COL25A1: variants seen among roughly 807,000 people sequenced by gnomAD.
COL25A1 encodes the protein collagen type XXV alpha 1 chain, also known as collagen alpha-1(XXV) chain.
In COL25A1, 103 loss-of-function variants were observed where a neutral mutation model predicts 128.4. That is an observed-to-expected ratio of 0.80 (90% CI 0.68 to 0.94). COL25A1 has a LOEUF of 0.94. COL25A1 is among the 40% of genes least tolerant of loss of function. COL25A1 has a pLI of 0.00. For missense variants in COL25A1, 745 were observed against 840.0 expected, an observed-to-expected ratio of 0.89 and a Z score of 1.40; for synonymous variants, 279 against 277.2, an observed-to-expected ratio of 1.01 and a Z score of -0.06.
chr4:109,276,030 T>G (rs1722801335), intron 3 of COL25A1, among the ~76,000 whole-genome samples: 1 of 152,210 alleles, frequency 6.6e-6, no homozygotes, highest in East Asian at 1.9e-4. Flanking sequence ...ACTCTTCTCC[T>G]CCATATATAC....
At chr4:109,250,326 C>A in intron 3 of COL25A1, among the ~76,000 whole-genome samples, 1 of 139,352 alleles carries the variant, frequency 7.2e-6, no homozygotes, top group Non-Finnish European at 1.5e-5. Flanking sequence ...ACTTACTAAC[C>A]ATATGTATTA....
At chr4:108,989,840 G>A (rs1020984797) in intron 6 of COL25A1, among the ~76,000 whole-genome samples, 61 of 152,216 alleles carry the variant, frequency 4.0e-4, no homozygotes, top group African/African-American at 1.4e-3. Context: ...TATTTAAAAT[G>A]TGATATCAGT....
chr4:108,918,244 T>G (rs1408446137), intron 12 of COL25A1, 28 bp from the exon 13 acceptor site: 1 of 1,512,922 alleles, frequency 6.6e-7, no homozygotes, highest in Admixed American at 1.8e-5. Flanking sequence ...TAAATTCAGT[T>G]GATATCATAC....
At chr4:109,271,337 C>T (rs1782186436) in intron 3 of COL25A1, among the ~76,000 whole-genome samples, 2 of 152,348 alleles carry the variant, frequency 1.3e-5, no homozygotes, top group South Asian at 4.1e-4. Context: ...CTAAATTCTA[C>T]TTCACCTAGC....
intron 5 of COL25A1, among the ~76,000 whole-genome samples, chr4:109,020,377 T>C (rs1256337557): frequency 1.3e-5 from 2 of 152,278 alleles, no homozygotes; most frequent in Non-Finnish European, 2.9e-5. Flanking sequence ...TCAATGGTTT[T>C]AATGCTGAAA....
intron 3 of COL25A1, among the ~76,000 whole-genome samples, chr4:109,281,997 A>C (rs1337348642): frequency 6.6e-6 from 1 of 152,182 alleles, no homozygotes; most frequent in Non-Finnish European, 1.5e-5. Flanking sequence ...TTGTTAATAT[A>C]ATCATAAATT....
chr4:108,875,463 G>A (rs1444393910), intron 19 of COL25A1, among the ~76,000 whole-genome samples: 1 of 152,158 alleles, frequency 6.6e-6, no homozygotes. Context: ...ATGAAAAAAT[G>A]TTCATCATCA....
At chr4:108,937,386 G>A (rs538023059) in intron 11 of COL25A1, among the ~76,000 whole-genome samples, 124 of 151,862 alleles carry the variant, frequency 8.2e-4, no homozygotes, top group African/African-American at 2.9e-3. Flanking sequence ...ATTTTTCTCC[G>A]GGTAGAGATA....
chr4:109,184,456 T>TA (rs1259586042), intron 3 of COL25A1, among the ~76,000 whole-genome samples: 2 of 152,182 alleles, frequency 1.3e-5, no homozygotes, highest in Non-Finnish European at 2.9e-5. Flanking sequence ...AACGAAGTGT[T>TA]AGACACCAAG....
intron 8 of COL25A1, among the ~76,000 whole-genome samples, chr4:108,942,839 C>T (rs1324859968): frequency 6.7e-6 from 1 of 149,864 alleles, no homozygotes; most frequent in Non-Finnish European, 1.5e-5. Flanking sequence ...TCACTGAAGC[C>T]TCTGCCTCCA....
At chr4:109,022,057 C>G in intron 5 of COL25A1, 1 of 407,940 alleles carries the variant, frequency 2.5e-6, no homozygotes. Flanking sequence ...GCCTTTTGCC[C>G]CTTGAAGCAT....
chr4:109,191,463 A>G (rs1775615956), intron 3 of COL25A1, among the ~76,000 whole-genome samples: 1 of 152,128 alleles, frequency 6.6e-6, no homozygotes, highest in South Asian at 2.1e-4. Context: ...GCTGCTCAAA[A>G]GATTGAGGGC....
At chr4:109,171,392 T>C (rs1773569288) in intron 3 of COL25A1, among the ~76,000 whole-genome samples, 1 of 152,112 alleles carries the variant, frequency 6.6e-6, no homozygotes, top group Non-Finnish European at 1.5e-5. Context: ...TCAGAGATAA[T>C]TAGGTCATGA....
rs114971319 is a variant in COL25A1, at chr4:108,885,056, T to C, written c.976-834A>G. Among the ~76,000 whole-genome samples the C allele has an allele frequency of 2.6e-3, 390 of 152,328 alleles. 4 individuals are homozygous for C. The highest frequency in any genetic ancestry group is 9.0e-3 in the African/African-American group (375 of 41,582). On this transcript the variant is annotated intron_variant, in intron 18 of 37. Coordinates refer to ENST00000399132, the MANE Select transcript of COL25A1 (RefSeq NM_198721.4). ...GAAAATGAAAGTCCTCTCTGTTGGA[T>C]TGAAGTGATTATTTTTTGTGGAAAT...
chr4:109,046,322 A>C (rs1045065603), intron 5 of COL25A1, among the ~76,000 whole-genome samples: 1 of 152,204 alleles, frequency 6.6e-6, no homozygotes, highest in Non-Finnish European at 1.5e-5. Context: ...TTAGGTAGAA[A>C]ATTTGGACTA....
intron 12 of COL25A1, among the ~76,000 whole-genome samples, chr4:108,918,480 T>C (rs1488176889): frequency 6.6e-6 from 1 of 152,236 alleles, no homozygotes; most frequent in African/African-American, 2.4e-5. Flanking sequence ...AAATTGGTCA[T>C]ACCTATCAGA....
At chr4:109,100,623 C>T (rs1765809084) in intron 3 of COL25A1, among the ~76,000 whole-genome samples, 1 of 152,088 alleles carries the variant, frequency 6.6e-6, no homozygotes, top group African/African-American at 2.4e-5. Context: ...CACATATTTT[C>T]CCTGTAGCAT....
In COL25A1 at chr4:108,819,270, C is replaced by T; in HGVS notation, c.1905G>A (p.Leu635=). The T allele has an allele frequency of 6.2e-7, 1 of 1,610,846 alleles. No individual in the cohort carries two copies. Among genetic ancestry groups the T allele is most frequent in the Non-Finnish European group, 8.5e-7 (1 of 1,178,932 alleles). Residue 635 remains leucine (L), a synonymous_variant, in exon 36 of 38, where the codon CTG becomes CTA. Coordinates refer to ENST00000399132, the MANE Select transcript of COL25A1 (RefSeq NM_198721.4). The part of the protein sequence containing the change: ...GEPGQPGLDG[L]DAPCQLGPDG... ...ACTGTACCAATTGGCAAGGGGCATCCAGCCCATCCAGGCCAGGCTGGCCTG... is the reference window on the plus strand; with the variant it reads ...ACTGTACCAATTGGCAAGGGGCATCTAGCCCATCCAGGCCAGGCTGGCCTG...
chr4:109,146,622 T>C (rs1386308823), intron 3 of COL25A1, among the ~76,000 whole-genome samples: 2 of 152,184 alleles, frequency 1.3e-5, no homozygotes, highest in Admixed American at 6.5e-5. Context: ...GGGGCTGAAA[T>C]GGTCAAACAC....
Sources: allele counts gnomAD v4.1 joint callset (sites outside exome capture counted in the v4.1 genomes callset), GRCh38; gene constraint gnomAD v4.1.1; transcripts MANE v1.5; gene names NCBI Gene and HGNC (gene_info 2026-07-23, HGNC 2026-07-21).